Variants in FAM120B observed in about 807,000 individuals in gnomAD.
FAM120B encodes constitutive coactivator of peroxisome proliferator-activated receptor gamma.
Under a neutral mutation model 96.3 loss-of-function variants are expected in FAM120B, and 83 were observed. The observed-to-expected ratio is 0.86, with a 90% CI of 0.72 to 1.03. FAM120B has a LOEUF of 1.03. FAM120B is among the 50% of genes least tolerant of loss of function. The probability of loss-of-function intolerance (pLI) is 0.00; values close to 1 mark genes in which losing one functional copy is unlikely to be tolerated. For missense variants in FAM120B, 1,027 were observed against 1,121.2 expected, an observed-to-expected ratio of 0.92 and a Z score of 1.20; for synonymous variants, 407 against 402.7, an observed-to-expected ratio of 1.01 and a Z score of -0.13.
intron 4 of FAM120B, among the ~76,000 whole-genome samples, chr6:170,342,913 C>G (rs1337789796): frequency 6.6e-6 from 1 of 152,192 alleles, no homozygotes; most frequent in Non-Finnish European, 1.5e-5. Flanking sequence ...TATTCAAGAC[C>G]TAGATGACTG....
intron 1 of FAM120B, among the ~76,000 whole-genome samples, chr6:170,299,962 C>T (rs2114979297): frequency 6.6e-6 from 1 of 152,352 alleles, no homozygotes; most frequent in Middle Eastern, 3.4e-3. Context: ...TGTCTTTCTA[C>T]ATGATACCTT....
intron 6 of FAM120B, among the ~76,000 whole-genome samples, chr6:170,376,533 G>C (rs191192370): frequency 3.3e-5 from 5 of 152,210 alleles, no homozygotes; most frequent in African/African-American, 1.2e-4. Flanking sequence ...AGCAGAGAGC[G>C]CTGGCATGCG....
intron 5 of FAM120B, among the ~76,000 whole-genome samples, chr6:170,351,074 G>C (rs1417293100): frequency 6.6e-6 from 1 of 152,208 alleles, no homozygotes; most frequent in Non-Finnish European, 1.5e-5. Flanking sequence ...AGCCATAATA[G>C]TCAGTTTAAA....
At chr6:170,324,835 TAATG>T (rs901329555) in intron 3 of FAM120B, among the ~76,000 whole-genome samples, 205 of 152,346 alleles carry the variant, frequency 1.3e-3, no homozygotes, top group African/African-American at 4.7e-3. Context: ...ATGATGATAA[TAATG>T]AAGTGTATCC....
At chr6:170,383,690 T>C (rs537885278) in intron 6 of FAM120B, among the ~76,000 whole-genome samples, 2 of 152,352 alleles carry the variant, frequency 1.3e-5, no homozygotes, top group African/African-American at 4.8e-5. Flanking sequence ...CACTAGCCTC[T>C]TACATGGCTG....
At chr6:170,377,814 C>A (rs980784607) in intron 6 of FAM120B, among the ~76,000 whole-genome samples, 4 of 137,152 alleles carry the variant, frequency 2.9e-5, no homozygotes, top group Non-Finnish European at 6.2e-5. Context: ...CACAGGCTCA[C>A]GCTGCTCGGT....
At chr6:170,362,672 T>C (rs543834258) in intron 6 of FAM120B, among the ~76,000 whole-genome samples, 6 of 151,800 alleles carry the variant, frequency 4.0e-5, no homozygotes, top group South Asian at 2.1e-4. Context: ...TAATTTGTTT[T>C]CTTTCTTTTT....
upstream of FAM120B, among the ~76,000 whole-genome samples, chr6:170,304,795 G>A (rs568639425): frequency 6.6e-6 from 1 of 152,150 alleles, no homozygotes; most frequent in Admixed American, 6.5e-5. Flanking sequence ...CCCTTTGTCA[G>A]ATCCTACTCC....
At chr6:170,369,209 CTT>C (rs1366584885) in intron 6 of FAM120B, among the ~76,000 whole-genome samples, 1 of 151,262 alleles carries the variant, frequency 6.6e-6, no homozygotes, top group East Asian at 2.1e-4. Flanking sequence ...TTTTTCCTCA[CTT>C]TTATTCTCTC....
At chr6:170,398,193 C>T (rs1778304347) in intron 9 of FAM120B, among the ~76,000 whole-genome samples, 1 of 152,276 alleles carries the variant, frequency 6.6e-6, no homozygotes, top group South Asian at 2.1e-4. Context: ...TGAAACCTTT[C>T]CATCAGGCAT....
At chr6:170,390,514 A>C (rs2115317953) in intron 7 of FAM120B, among the ~76,000 whole-genome samples, 1 of 151,980 alleles carries the variant, frequency 6.6e-6, no homozygotes, top group Admixed American at 6.6e-5. Flanking sequence ...ATTCAACAAT[A>C]AAACAGGAAG....
chr6:170,373,959 C>T (rs530154375), intron 6 of FAM120B, among the ~76,000 whole-genome samples: 120 of 152,226 alleles, frequency 7.9e-4, no homozygotes, highest in African/African-American at 2.5e-3. Context: ...TGCTGGCATG[C>T]CAGATCATTC....
intron 8 of FAM120B, 55 bp downstream of exon 8, chr6:170,391,176 T>C: frequency 1.7e-6 from 2 of 1,177,368 alleles, no homozygotes; most frequent in African/African-American, 1.5e-5. Flanking sequence ...CCTAACTGCT[T>C]CCTGAGTTTT....
chr6:170,346,404 TTCCTG>T (rs1208933705), intron 4 of FAM120B, among the ~76,000 whole-genome samples: 2 of 152,232 alleles, frequency 1.3e-5, no homozygotes, highest in Non-Finnish European at 2.9e-5. Flanking sequence ...TCTTTATACT[TTCCTG>T]TCTGAATTGT....
intron 1 of FAM120B, among the ~76,000 whole-genome samples, chr6:170,314,979 C>A (rs1784812226): frequency 6.6e-6 from 1 of 152,244 alleles, no homozygotes; most frequent in Admixed American, 6.5e-5. Context: ...TGGGAACTGC[C>A]TGGCCTGAGA....
At chr6:170,395,182 G>A (rs1482939780) in intron 8 of FAM120B, among the ~76,000 whole-genome samples, 1 of 152,152 alleles carries the variant, frequency 6.6e-6, no homozygotes, top group Non-Finnish European at 1.5e-5. Context: ...GCCTGCATGG[G>A]TCCAGGGGGC....
intron 6 of FAM120B, among the ~76,000 whole-genome samples, chr6:170,382,857 AAAAG>A (rs1221439147): frequency 2.0e-5 from 3 of 152,244 alleles, no homozygotes; most frequent in Non-Finnish European, 1.5e-5. Flanking sequence ...TTGAAAAAGA[AAAAG>A]AAAATGGGCA....
chr6:170,334,380 A>G (rs1786273561), intron 4 of FAM120B, among the ~76,000 whole-genome samples: 1 of 152,242 alleles, frequency 6.6e-6, no homozygotes, highest in Admixed American at 6.5e-5. Flanking sequence ...AAAAAGGACC[A>G]TGTATTTGAT....
chr6:170,304,460 G>A (rs1784210101), upstream of FAM120B, among the ~76,000 whole-genome samples: 1 of 152,214 alleles, frequency 6.6e-6, no homozygotes, highest in Non-Finnish European at 1.5e-5. Flanking sequence ...TTCGATACGA[G>A]AATGTATCTT....
Sources: gnomAD v4.1 joint callset for allele counts (sites outside exome capture counted in the v4.1 genomes callset) on GRCh38, gnomAD v4.1.1 for gene constraint, MANE v1.5 for transcripts, NCBI Gene and HGNC (gene_info 2026-07-23, HGNC 2026-07-21) for gene names.